SLC2A13: variants seen among roughly 807,000 people sequenced by gnomAD.
The protein encoded by SLC2A13 is solute carrier family 2 member 13.
Under a neutral mutation model 64.4 loss-of-function variants are expected in SLC2A13, and 32 were observed. The observed-to-expected ratio is 0.50, with a 90% CI of 0.37 to 0.67. The LOEUF (loss-of-function observed/expected upper bound fraction) is 0.67, where lower values mean the gene tolerates loss of function less well. Among genes scored for constraint, SLC2A13 ranks in the 30% least tolerant of loss-of-function variants. The pLI is 0.00. For missense variants in SLC2A13, 743 were observed against 829.2 expected (o/e 0.90, Z 1.28); for synonymous variants, 338 against 327.1 (o/e 1.03, Z -0.36).
chr12:40,105,592 G>A lies in SLC2A13; in HGVS notation c.217C>T (p.Gln73Ter). Residue 73 changes from glutamine to a stop codon, truncating the protein, a stop_gained, in exon 1 of 10, where the codon CAG (glutamine) becomes TAG (stop). Coordinates refer to ENST00000280871, the MANE Select transcript of SLC2A13 (RefSeq NM_052885.4). LOFTEE classifies it high-confidence loss of function. This position sits in a 1 kb window ranked among gnomAD's most constrained non-coding sequence, Gnocchi z 4.2. ...DLERAARRQFQQDETPAFVYV... is the reference protein window; with the variant it reads ...DLERAARRQF ...ACGAAGGCGGGGGTCTCGTCCTGCT[G>A]GAACTGCCGCCGCGCCGCGCGCTCC... 1 of 1,538,068 alleles carries A rather than the reference G, an allele frequency of 6.5e-7. No homozygotes were observed. The highest frequency in any genetic ancestry group is 8.7e-7 in the Non-Finnish European group (1 of 1,145,470).
chr12:39,897,953 G>GT (rs1944971050), intron 4 of SLC2A13, among the ~76,000 whole-genome samples: 1 of 151,998 alleles, frequency 6.6e-6, no homozygotes, highest in Non-Finnish European at 1.5e-5. Context: ...AATAATACAT[G>GT]TAAGTTTATT....
At chr12:39,835,426 C>T (rs1209017477) in intron 6 of SLC2A13, among the ~76,000 whole-genome samples, 1 of 152,038 alleles carries the variant, frequency 6.6e-6, no homozygotes, top group Non-Finnish European at 1.5e-5. Context: ...TATAGGTATG[C>T]TCTACATTAA....
intron 3 of SLC2A13, among the ~76,000 whole-genome samples, chr12:39,990,403 T>G (rs1947113765): frequency 6.6e-6 from 1 of 152,172 alleles, no homozygotes; most frequent in South Asian, 2.1e-4. Flanking sequence ...GACTTTAACT[T>G]CTAACACATG....
chr12:40,059,637 C>G (rs987319768), intron 1 of SLC2A13, among the ~76,000 whole-genome samples: 1 of 152,236 alleles, frequency 6.6e-6, no homozygotes, highest in South Asian at 2.1e-4. Context: ...CCTGAATGTG[C>G]CACCCTCCAG....
intron 7 of SLC2A13, among the ~76,000 whole-genome samples, chr12:39,784,990 GAAACA>G (rs1941133422): frequency 1.3e-5 from 2 of 152,286 alleles, no homozygotes; most frequent in Non-Finnish European, 2.9e-5. Context: ...TTTTAAAAGG[GAAACA>G]GAACATAAAA....
chr12:40,031,774 G>A (rs1947909060), intron 2 of SLC2A13, among the ~76,000 whole-genome samples: 1 of 152,134 alleles, frequency 6.6e-6, no homozygotes, highest in South Asian at 2.1e-4. Flanking sequence ...GCAGACTGGA[G>A]AATAGGAAAG....
chr12:39,792,338 C>G (rs1433779461), intron 7 of SLC2A13, among the ~76,000 whole-genome samples: 1 of 151,262 alleles, frequency 6.6e-6, no homozygotes, highest in Non-Finnish European at 1.5e-5. Context: ...GTCCAAAACA[C>G]CAAAAGCAAT....
chr12:39,853,542 T>C (rs1469523674), intron 6 of SLC2A13, among the ~76,000 whole-genome samples: 1 of 151,764 alleles, frequency 6.6e-6, no homozygotes, highest in African/African-American at 2.4e-5. Context: ...CTCCTTTCTT[T>C]TCTTTTCTTT....
chr12:39,953,895 C>T (rs1946274257), intron 3 of SLC2A13, among the ~76,000 whole-genome samples: 1 of 152,100 alleles, frequency 6.6e-6, no homozygotes, highest in Non-Finnish European at 1.5e-5. Context: ...GAAAAAGAGT[C>T]CCACAAGGGC....
chr12:39,977,027 C>G (rs569555823), intron 3 of SLC2A13, among the ~76,000 whole-genome samples: 3 of 152,114 alleles, frequency 2.0e-5, no homozygotes, highest in Non-Finnish European at 4.4e-5. Flanking sequence ...AAACAACATA[C>G]GTACTTTAAG....
chr12:40,100,712 C>T (rs961462155), intron 1 of SLC2A13, among the ~76,000 whole-genome samples: 3 of 151,960 alleles, frequency 2.0e-5, no homozygotes, highest in South Asian at 2.1e-4. Flanking sequence ...ACCTGTAATC[C>T]CAGCACTTTG....
chr12:39,813,492 C>T (rs577457214), intron 7 of SLC2A13, among the ~76,000 whole-genome samples: 7 of 152,254 alleles, frequency 4.6e-5, no homozygotes, highest in Non-Finnish European at 7.4e-5. Context: ...TCATCTGTTA[C>T]TATTTCAGTA....
chr12:40,003,231 G>A (rs1026577417), intron 3 of SLC2A13, among the ~76,000 whole-genome samples: 4 of 152,176 alleles, frequency 2.6e-5, no homozygotes, highest in Admixed American at 2.6e-4. Context: ...TTGAGAAGGA[G>A]TTTATGAATT....
rs954029984 is a variant in SLC2A13 at position 39,851,713 on chromosome 12, G to C, written c.1319+13049C>G. 2.6e-5 allele frequency among the ~76,000 whole-genome samples: 4 copies of C among 152,182 alleles called. No individual in the cohort carries two copies. The East Asian group carries it at 7.7e-4, about 29-fold the overall frequency. ...AAGCAGCGGAATGAAGGATGGATTT[G>C]TATTATCAGCTGCTTAGCAATATGG... On this transcript the variant is annotated intron_variant, in intron 6 of 9. Coordinates refer to ENST00000280871, the MANE Select transcript of SLC2A13 (RefSeq NM_052885.4).
chr12:39,849,993 T>C (rs1943424808), intron 6 of SLC2A13, among the ~76,000 whole-genome samples: 1 of 152,200 alleles, frequency 6.6e-6, no homozygotes, highest in African/African-American at 2.4e-5. Flanking sequence ...GGATTCTGTG[T>C]CTTTCCTCAT....
intron 7 of SLC2A13, chr12:39,829,594 G>A (rs1942798258): frequency 6.3e-6 from 1 of 158,292 alleles, no homozygotes; most frequent in African/African-American, 2.4e-5. Flanking sequence ...TTGTATTTTT[G>A]TAGAGGTGGG....
chr12:39,931,240 A>G (rs1388168062), intron 4 of SLC2A13, among the ~76,000 whole-genome samples: 1 of 152,188 alleles, frequency 6.6e-6, no homozygotes, highest in Non-Finnish European at 1.5e-5. Context: ...CAGAACCACT[A>G]TAAGGATCGT....
At chr12:39,847,644 T>C (rs1402428362) in intron 6 of SLC2A13, among the ~76,000 whole-genome samples, 1 of 152,068 alleles carries the variant, frequency 6.6e-6, no homozygotes, top group Non-Finnish European at 1.5e-5. Flanking sequence ...TGCCTGATGA[T>C]ACTAGATGTA....
At position 39,852,113 on chromosome 12, in the gene SLC2A13, C is replaced by T. The variant is rs568005206; in HGVS notation, c.1319+12649G>A. Among the ~76,000 whole-genome samples, 180 of 152,288 alleles carry T rather than the reference C, an allele frequency of 1.2e-3. 2 individuals carry two copies. Among genetic ancestry groups the T allele is most frequent in the African/African-American group, 4.0e-3 (165 of 41,572 alleles). On this transcript the variant is annotated intron_variant, in intron 6 of 9. Transcript: ENST00000280871. ...AAGGTTAAGATGCATAAAGTGATTTCTAATTATCTAATACTGCTTGTTATG... is the reference window on the plus strand; with the variant it reads ...AAGGTTAAGATGCATAAAGTGATTTTTAATTATCTAATACTGCTTGTTATG...
Sources: allele counts gnomAD v4.1 joint callset (sites outside exome capture counted in the v4.1 genomes callset), GRCh38; gene constraint gnomAD v4.1.1; non-coding constraint Gnocchi (gnomAD v3.1); transcripts MANE v1.5; gene names NCBI Gene and HGNC (gene_info 2026-07-23, HGNC 2026-07-21).